Variants in SAR1A observed in about 807,000 individuals in gnomAD.
SAR1A encodes the protein secretion associated Ras related GTPase 1A, also known as small COPII coat GTPase SAR1A.
In SAR1A, 6 loss-of-function variants were observed where a neutral mutation model predicts 22.6. The observed-to-expected ratio is 0.27, with a 90% CI of 0.15 to 0.52. The LOEUF is 0.52. SAR1A is among the 20% of genes least tolerant of loss of function. The pLI, the probability that SAR1A is intolerant of heterozygous loss-of-function variation, is 0.96. For missense variants in SAR1A, 145 were observed against 245.1 expected (o/e 0.59, Z 2.73); for synonymous variants, 70 against 82.2 (o/e 0.85, Z 0.80).
chr10:70,164,164 A>G, intron 1 of SAR1A: 1 of 661,046 alleles, frequency 1.5e-6, no homozygotes, highest in Non-Finnish European at 2.8e-6. Flanking sequence ...TTTCTTGCAC[A>G]AAACTGTTTA....
Position 70,161,022 on chromosome 10 carries a change from G to C in SAR1A, c.226C>G (p.Leu76Val), listed in dbSNP as rs1839461508. Reference protein sequence around the residue: ...IAGMTFTTFDLGGHEQARRVW... With the variant: ...IAGMTFTTFDVGGHEQARRVW... ...CACTTACCTTGCTCGTGCCCACCAAGATCAAAAGTTGTAAAGGTCATTCCA... is the reference window on the plus strand; with the variant it reads ...CACTTACCTTGCTCGTGCCCACCAACATCAAAAGTTGTAAAGGTCATTCCA... Residue 76 changes from leucine to valine, a missense_variant, in exon 4 of 7, where the codon CTT becomes GTT. Leu to Val is a conservative substitution (Grantham distance 32). This residue lies in a region of SAR1A where 40 missense variants were observed against 105.7 expected (regional missense o/e 0.38). Transcript: ENST00000373241. The C allele has an allele frequency of 6.2e-7, 1 of 1,612,780 alleles. No homozygotes were observed. Among genetic ancestry groups the C allele is most frequent in the Non-Finnish European group, 8.5e-7 (1 of 1,179,252 alleles).
chr10:70,155,649 G>T (rs1008173394), intron 5 of SAR1A, among the ~76,000 whole-genome samples: 2 of 152,178 alleles, frequency 1.3e-5, no homozygotes, highest in African/African-American at 4.8e-5. Flanking sequence ...TTGGTAAGGT[G>T]GGAGTCTAAC....
At chr10:70,168,293 A>G (rs1446574222) in intron 1 of SAR1A, among the ~76,000 whole-genome samples, 1 of 152,226 alleles carries the variant, frequency 6.6e-6, no homozygotes, top group East Asian at 1.9e-4. Flanking sequence ...TCTCCTTTTC[A>G]CCTTTGCAGA....
chr10:70,162,080 C>T (rs965267062), intron 1 of SAR1A, 149 bp from the exon 2 acceptor site: 1 of 620,438 alleles, frequency 1.6e-6, no homozygotes, highest in African/African-American at 1.8e-5. Context: ...TGGCTCACAC[C>T]TGGAATCCCA....
intron 1 of SAR1A, chr10:70,166,621 A>G (rs1002903773): frequency 1.3e-5 from 2 of 152,202 alleles, no homozygotes; most frequent in Non-Finnish European, 2.9e-5. Context: ...TTAAGGGATA[A>G]GAAGAGAATC....
At position 70,170,098 on chromosome 10, in the gene SAR1A, A is replaced by G. The variant is rs767143115; in HGVS notation, c.-17+315T>C. On this transcript the variant is annotated intron_variant, in intron 1 of 6. Coordinates refer to ENST00000373241, the MANE Select transcript of SAR1A (RefSeq NM_020150.5). ...CCGAGGGCTGTGAGGCTCTTCCGAG[A>G]CAGAGGACATGGAGCCATTTCGTAA... is the stretch of plus-strand genomic sequence containing the variant. 4.1e-4 allele frequency among the ~76,000 whole-genome samples: 62 copies of G among 152,240 alleles called. 1 individual carries two copies. Among genetic ancestry groups the G allele is most frequent in the Middle Eastern group, 3.4e-3 (1 of 294 alleles).
At position 70,147,646 on chromosome 10, in the gene SAR1A, G is replaced by A. The variant is rs192447934; in HGVS notation, c.*4830C>T. On this transcript the variant is annotated 3_prime_UTR_variant, in exon 7 of 7. Transcript: ENST00000373241. ...TTGCTCACAGGCCATACAAACACAG[G>A]CAGCAGGCCCGATTTGACCCACAAG... 3 of 152,206 alleles carry A rather than the reference G, an allele frequency of 2.0e-5. No homozygotes were observed. The highest frequency in any genetic ancestry group is 2.0e-4 in the Admixed American group (3 of 15,300). The allele number at this position is 152,206 out of a possible 1,614,324, so 9.4% of individuals were successfully genotyped here. A position where few individuals can be genotyped will look rare whatever the true frequency, so the allele number is the denominator to read the frequency against.
At position 70,151,274 on chromosome 10, in the gene SAR1A, A is replaced by AAAAAAAAAAAAAAAAAAAAAAAC; in HGVS notation, c.*1201_*1202insGTTTTTTTTTTTTTTTTTTTTTT. 2 of 149,770 alleles carry AAAAAAAAAAAAAAAAAAAAAAAC rather than the reference A, an allele frequency of 1.3e-5. No homozygotes were observed. The highest frequency in any genetic ancestry group is 3.0e-5 in the Non-Finnish European group (2 of 67,428). 9.3% of individuals were successfully genotyped at this position (149,770 alleles called of 1,614,324 possible). A position where few individuals can be genotyped will look rare whatever the true frequency, so the allele number is the denominator to read the frequency against. ...AATTTCATACCAAAAAAAAAAAAAA[A>AAAAAAAAAAAAAAAAAAAAAAAC]AAAAAAAAAACCTGGAAAAGCTACA... On this transcript the variant is annotated 3_prime_UTR_variant, in exon 7 of 7. Transcript: ENST00000373241.
At chr10:70,168,485 G>A (rs1018508956) in intron 1 of SAR1A, among the ~76,000 whole-genome samples, 13 of 152,174 alleles carry the variant, frequency 8.5e-5, no homozygotes, top group Admixed American at 8.5e-4. Context: ...CCAGCTACTC[G>A]GGAGGTTGAG....
At chr10:70,157,912 G>A (rs1426844202) in intron 4 of SAR1A, 45 bp from the exon 5 acceptor site, 1 of 1,293,148 alleles carries the variant, frequency 7.7e-7, no homozygotes, top group African/African-American at 1.5e-5. Context: ...AATATACATT[G>A]TGAAAATGAA....
In SAR1A at chr10:70,153,979, G is replaced by GA. The variant is rs1470935322; in HGVS notation, c.349-11dup. On this transcript the variant is annotated splice_polypyrimidine_tract_variant and intron_variant, in intron 5 of 6. Transcript: ENST00000373241. ...CATCAGTCATTAAAGCCTAAAGATT[G>GA]AAAAAAAAGAAAAAAAGAAAAAAAA... 4.0e-5 allele frequency: 60 copies of GA among 1,518,266 alleles called. No individual in the cohort carries two copies. The highest frequency in any genetic ancestry group is 1.2e-4 in the Admixed American group (5 of 42,992). The allele number at this position is 1,518,266 out of a possible 1,614,324, so 94.0% of individuals were successfully genotyped here. A position where few individuals can be genotyped will look rare whatever the true frequency, so the allele number is the denominator to read the frequency against.
rs1331468166 is a variant in SAR1A at position 70,162,370 on chromosome 10, GAAGGGA to G, written c.-16-445_-16-440del. ...AGGACAGGACAGGAGAAAGGAAAGG[GAAGGGA>G]AAGGGAAAGGGAAAGGGAAAAGGAA... On this transcript the variant is annotated intron_variant, in intron 1 of 6. Transcript: ENST00000373241. Among the ~76,000 whole-genome samples, 831 of 145,216 alleles carry G rather than the reference GAAGGGA, an allele frequency of 5.7e-3. 10 individuals are homozygous for G. The highest frequency in any genetic ancestry group is 8.1e-3 in the South Asian group (35 of 4,302).
chr10:70,169,553 G>A (rs528763858), intron 1 of SAR1A, among the ~76,000 whole-genome samples: 1 of 152,192 alleles, frequency 6.6e-6, no homozygotes, highest in Non-Finnish European at 1.5e-5. Context: ...TAGAAAAGGA[G>A]GGCACCAATC....
intron 1 of SAR1A, chr10:70,164,068 C>G: frequency 2.6e-6 from 2 of 776,506 alleles, no homozygotes; most frequent in Non-Finnish European, 4.8e-6. Flanking sequence ...ATCAGGGAAG[C>G]AGATCCTGAT....
chr10:70,162,024 T>C, intron 1 of SAR1A, 93 bp from the exon 2 acceptor site: 1 of 884,778 alleles, frequency 1.1e-6, no homozygotes, highest in Non-Finnish European at 1.8e-6. Context: ...ATGATGCACA[T>C]TTATAGTCTC....
chr10:70,149,088 TTTTTA>T lies in SAR1A; in HGVS notation c.*3383_*3387del, dbSNP rs1182431949. 6.6e-6 allele frequency: 1 copy of T among 152,148 alleles called. No individual in the cohort carries two copies. The highest frequency in any genetic ancestry group is 1.5e-5 in the Non-Finnish European group (1 of 68,078). 9.4% of individuals were successfully genotyped at this position (152,148 alleles called of 1,614,324 possible). On this transcript the variant is annotated 3_prime_UTR_variant, in exon 7 of 7. Transcript: ENST00000373241. ...AAGGACAACAGGACACCTCCAGTAC[TTTTTA>T]TTTTTTTTGAGATGGGAGTCACCCA... is the stretch of plus-strand genomic sequence containing the variant.
intron 6 of SAR1A, among the ~76,000 whole-genome samples, 163 bp from the exon 7 acceptor site, chr10:70,152,755 C>T (rs777612554): frequency 3.2e-4 from 48 of 152,222 alleles, no homozygotes; most frequent in African/African-American, 6.0e-4. Flanking sequence ...CCCCAGGCTT[C>T]GTGTTTTCAG....
chr10:70,162,988 G>GC (rs1237555368), intron 1 of SAR1A: 1 of 152,220 alleles, frequency 6.6e-6, no homozygotes, highest in Non-Finnish European at 1.5e-5. Flanking sequence ...CCACAGTCCT[G>GC]CCCCCACCCC....
At chr10:70,168,195 G>A (rs1454868345) in intron 1 of SAR1A, among the ~76,000 whole-genome samples, 3 of 152,206 alleles carry the variant, frequency 2.0e-5, no homozygotes, top group African/African-American at 7.2e-5. Flanking sequence ...GGGAGGAGAT[G>A]GCTTAAAAGC....
Sources: allele counts gnomAD v4.1 joint callset (sites outside exome capture counted in the v4.1 genomes callset), GRCh38; gene constraint gnomAD v4.1.1; regional missense constraint gnomAD v4.1.1; transcripts MANE v1.5; gene names NCBI Gene and HGNC (gene_info 2026-07-23, HGNC 2026-07-21).